Variants in DAD1 observed in about 807,000 individuals in gnomAD.
DAD1 encodes the protein dolichyl-diphosphooligosaccharide--protein glycosyltransferase subunit DAD1.
DAD1 carries 4 observed loss-of-function variants against 9.0 expected under a neutral mutation model. That is an observed-to-expected ratio of 0.44 (90% CI 0.22 to 1.01). The LOEUF (loss-of-function observed/expected upper bound fraction) is 1.01. DAD1 is among the 50% of genes least tolerant of loss of function. The pLI, the probability that DAD1 is intolerant of heterozygous loss-of-function variation, is 0.24. For missense variants in DAD1, 119 were observed against 137.3 expected (o/e 0.87, Z 0.67); for synonymous variants, 60 against 62.5 (o/e 0.96, Z 0.19).
At chr14:22,577,448 G>T (rs2037085079) in intron 1 of DAD1, among the ~76,000 whole-genome samples, 1 of 152,128 alleles carries the variant, frequency 6.6e-6, no homozygotes, top group Non-Finnish European at 1.5e-5. Flanking sequence ...GGTTGGGAGG[G>T]TGGGGGATGG....
rs557895648 is a variant in DAD1 at position 22,585,964 on chromosome 14, T to C, written c.211+2983A>G. On this transcript the variant is annotated intron_variant, in intron 1 of 2. Transcript: ENST00000250498. ...GCTCACGCCTGTAATCCCAACACTT[T>C]AGGAGGCCGAGGCGGGCGAATCACG... 9.8e-5 allele frequency among the ~76,000 whole-genome samples: 15 copies of C among 152,314 alleles called. No homozygotes were observed. The South Asian group carries it at 3.1e-3, about 32-fold the overall frequency.
At chr14:22,583,150 A>G (rs939173055) in intron 1 of DAD1, among the ~76,000 whole-genome samples, 2 of 152,190 alleles carry the variant, frequency 1.3e-5, no homozygotes, top group African/African-American at 4.8e-5. Context: ...TCAAGTTGGC[A>G]ACTGGATTTA....
At chr14:22,571,174 T>C (rs1006434475) in intron 2 of DAD1, among the ~76,000 whole-genome samples, 1 of 151,502 alleles carries the variant, frequency 6.6e-6, no homozygotes, top group African/African-American at 2.4e-5. Flanking sequence ...ATACAAAAAC[T>C]AGCCGGGCAA....
chr14:22,573,635 G>A (rs1304490785), intron 2 of DAD1, among the ~76,000 whole-genome samples: 4 of 150,198 alleles, frequency 2.7e-5, no homozygotes, highest in African/African-American at 4.9e-5. Flanking sequence ...GCATGAACTC[G>A]GGAGGCGGAG....
At chr14:22,575,676 T>A (rs571326973) in intron 1 of DAD1, among the ~76,000 whole-genome samples, 1 of 152,178 alleles carries the variant, frequency 6.6e-6, no homozygotes, top group African/African-American at 2.4e-5. Context: ...GCCTCCCAAG[T>A]AGCCGGGACT....
At chr14:22,574,607 T>A (rs1013148569) in intron 2 of DAD1, among the ~76,000 whole-genome samples, 2 of 152,186 alleles carry the variant, frequency 1.3e-5, no homozygotes, top group African/African-American at 2.4e-5. Context: ...AGGCACATAT[T>A]AGCAAATGCC....
chr14:22,587,106 G>A (rs1466213578), intron 1 of DAD1, among the ~76,000 whole-genome samples: 1 of 152,168 alleles, frequency 6.6e-6, no homozygotes, highest in Non-Finnish European at 1.5e-5. Flanking sequence ...TCAAAAACAG[G>A]TCTTGGCATA....
intron 2 of DAD1, among the ~76,000 whole-genome samples, chr14:22,568,082 A>G (rs2037012979): frequency 6.6e-6 from 1 of 152,160 alleles, no homozygotes; most frequent in Non-Finnish European, 1.5e-5. Flanking sequence ...ACAGGAAGGA[A>G]TATAAAGGTT....
intron 2 of DAD1, among the ~76,000 whole-genome samples, chr14:22,565,577 T>C (rs2036997491): frequency 6.6e-6 from 1 of 152,098 alleles, no homozygotes; most frequent in Non-Finnish European, 1.5e-5. Context: ...GAAGTAAGGA[T>C]TCAAGAAAGA....
chr14:22,573,120 T>C (rs1272692116), intron 2 of DAD1, among the ~76,000 whole-genome samples: 12 of 152,264 alleles, frequency 7.9e-5, no homozygotes, highest in Non-Finnish European at 1.5e-5. Flanking sequence ...TTAACTGTTA[T>C]GTTTACGTAT....
At chr14:22,575,384 C>A in intron 1 of DAD1, 151 bp from the exon 2 acceptor site, 1 of 783,344 alleles carries the variant, frequency 1.3e-6, no homozygotes, top group South Asian at 2.2e-5. Flanking sequence ...AAATGATACC[C>A]AGATAGCCCC....
Position 22,575,215 on chromosome 14 carries a change from A to T in DAD1, c.230T>A (p.Ile77Asn), listed in dbSNP as rs753058010. 1.9e-6 allele frequency: 3 copies of T among 1,613,922 alleles called. No homozygotes were observed. In the Admixed American group the frequency reaches 5.0e-5, roughly 27 times the overall value. ...GAAATCCGCTTTGTTCTGTGGGTTG[A>T]TCTGTATTCTCAGGCAAACTGCACA... ...FILAVCLRIQ[I>N]NPQNKADFQG... The change falls in exon 2 of 3, where the codon ATC becomes AAC. Residue 77 changes from isoleucine to asparagine, a missense_variant. Transcript: ENST00000250498.
chr14:22,589,071 C>A lies in DAD1; in HGVS notation c.87G>T (p.Ala29=). ...STPQRLKLLD[A]YLLYILLTGA... Reference sequence around the variant, plus strand: ...CGGTCAGCAGTATATACAGCAGGTACGCGTCCAGCAACTTCAGACGCTGCG... The same window carrying A: ...CGGTCAGCAGTATATACAGCAGGTAAGCGTCCAGCAACTTCAGACGCTGCG... The change falls in exon 1 of 3, where the codon GCG becomes GCT. Residue 29 remains alanine, a synonymous_variant. Transcript: ENST00000250498. 6.2e-7 allele frequency: 1 copy of A among 1,614,220 alleles called. No homozygotes were observed. Among genetic ancestry groups the A allele is most frequent in the Non-Finnish European group, 8.5e-7 (1 of 1,180,042 alleles).
intron 2 of DAD1, among the ~76,000 whole-genome samples, chr14:22,574,710 C>T (rs765327768): frequency 1.3e-5 from 2 of 152,226 alleles, no homozygotes; most frequent in East Asian, 1.9e-4. Context: ...AGATCAAAAT[C>T]AGAAAAAAAT....
intron 2 of DAD1, among the ~76,000 whole-genome samples, chr14:22,574,463 G>A (rs539137041): frequency 1.1e-4 from 17 of 152,278 alleles, no homozygotes; most frequent in Non-Finnish European, 2.1e-4. Context: ...TTTTGTAAGA[G>A]TTTGTTTGGG....
At chr14:22,570,432 C>G (rs1242652580) in intron 2 of DAD1, among the ~76,000 whole-genome samples, 7 of 152,120 alleles carry the variant, frequency 4.6e-5, no homozygotes, top group Non-Finnish European at 1.0e-4. Context: ...TCTAAACCCT[C>G]CTGGACCTCT....
At chr14:22,573,461 T>C (rs1316725399) in intron 2 of DAD1, among the ~76,000 whole-genome samples, 1 of 151,586 alleles carries the variant, frequency 6.6e-6, no homozygotes, top group Non-Finnish European at 1.5e-5. Context: ...TTCTTAAAAG[T>C]TTTTCACTGT....
At chr14:22,580,119 A>T (rs1268741432) in intron 1 of DAD1, among the ~76,000 whole-genome samples, 1 of 151,962 alleles carries the variant, frequency 6.6e-6, no homozygotes, top group East Asian at 1.9e-4. Flanking sequence ...CACCCAGCCC[A>T]TTCCTAATTT....
At chr14:22,587,928 G>A (rs1016568900) in intron 1 of DAD1, among the ~76,000 whole-genome samples, 2 of 152,108 alleles carry the variant, frequency 1.3e-5, no homozygotes, top group African/African-American at 4.8e-5. Context: ...TAGAGATGGG[G>A]TTTCACCATG....
Sources: gnomAD v4.1 joint callset for allele counts (sites outside exome capture counted in the v4.1 genomes callset) on GRCh38, gnomAD v4.1.1 for gene constraint, MANE v1.5 for transcripts, NCBI Gene and HGNC (gene_info 2026-07-23, HGNC 2026-07-21) for gene names.